The following TNS1 variants were observed in gnomAD, a reference collection of about 807,000 sequenced individuals.
TNS1 encodes tensin-1.
A neutral mutation model predicts 168.6 loss-of-function variants in TNS1; 62 were observed. The observed-to-expected ratio is 0.37, with a 90% CI of 0.30 to 0.45. The LOEUF is 0.45. Among genes scored for constraint, TNS1 ranks in the 20% least tolerant of loss-of-function variants. The pLI, the probability that TNS1 is intolerant of heterozygous loss-of-function variation, is 1.00. For synonymous variants in TNS1, 934 were observed against 933.2 expected, an observed-to-expected ratio of 1.00 and a Z score of -0.02; for missense variants, 2,240 against 2,339.4, an observed-to-expected ratio of 0.96 and a Z score of 0.88.
intron 4 of TNS1, among the ~76,000 whole-genome samples, chr2:217,915,611 A>G (rs985189227): frequency 3.3e-5 from 5 of 152,200 alleles, no homozygotes; most frequent in African/African-American, 1.2e-4. Context: ...TCCCAAGCCT[A>G]CTGGCAAACA....
rs1272797333 is a variant in TNS1 at position 217,818,592 on chromosome 2, C to G, written c.3740G>C (p.Ser1247Thr). 8.1e-6 allele frequency: 13 copies of G among 1,614,224 alleles called. 1 individual carries two copies. The highest frequency in any genetic ancestry group is 1.1e-5 in the Non-Finnish European group (13 of 1,180,052). The change falls in exon 24 of 33, where the codon AGC becomes ACC. Residue 1247 changes from serine (S) to threonine (T), a missense_variant. Transcript: ENST00000682258. The part of the protein sequence containing the change: ...SSSPLPTVGS[S>T]YSSPDYSLQH... ...AAGTGAGTAGTCGGGGCTGCTGTAG[C>G]TACTGCCCACAGTCGGGAGAGGAGA...
chr2:217,867,400 T>C (rs1949371683), intron 18 of TNS1, among the ~76,000 whole-genome samples: 1 of 152,250 alleles, frequency 6.6e-6, no homozygotes, highest in African/African-American at 2.4e-5. Context: ...GCAGCATTTT[T>C]TTGGAAACAG....
At chr2:218,026,771 C>A (rs1015589481) in intron 1 of TNS1, among the ~76,000 whole-genome samples, 5 of 152,362 alleles carry the variant, frequency 3.3e-5, no homozygotes, top group African/African-American at 1.2e-4. Context: ...CCTCTCCTTC[C>A]CCTCCAAACC....
intron 12 of TNS1, chr2:217,890,734 G>T (rs760571369): frequency 2.4e-5 from 14 of 587,176 alleles, no homozygotes; most frequent in Non-Finnish European, 3.7e-5. Flanking sequence ...TCTAGCACAG[G>T]CCTCAGAGTC....
At chr2:217,806,870 G>A (rs1939219931) in intron 32 of TNS1, among the ~76,000 whole-genome samples, 1 of 152,172 alleles carries the variant, frequency 6.6e-6, no homozygotes, top group Non-Finnish European at 1.5e-5. Flanking sequence ...CCTTCCCTTG[G>A]GGAGCTTGCA....
intron 19 of TNS1, among the ~76,000 whole-genome samples, chr2:217,837,679 G>A (rs186928746): frequency 1.1e-4 from 16 of 152,364 alleles, no homozygotes; most frequent in African/African-American, 2.4e-4. Context: ...AGAAAATAGC[G>A]CCCAGGATGG....
At chr2:217,993,838 C>T (rs1212069119) in intron 1 of TNS1, among the ~76,000 whole-genome samples, 1 of 152,144 alleles carries the variant, frequency 6.6e-6, no homozygotes, top group African/African-American at 2.4e-5. Flanking sequence ...AAGTATTTAA[C>T]GGTGGTGGGG....
At chr2:217,888,453 G>A (rs576186994) in intron 12 of TNS1, among the ~76,000 whole-genome samples, 1 of 152,264 alleles carries the variant, frequency 6.6e-6, no homozygotes, top group East Asian at 1.9e-4. Context: ...GAGCCAGGCA[G>A]ACACGCCCCA....
chr2:217,893,293 A>T, intron 10 of TNS1, 146 bp downstream of exon 10: 2 of 1,392,090 alleles, frequency 1.4e-6, no homozygotes, highest in Non-Finnish European at 1.9e-6. Context: ...CTAGAAAGAA[A>T]AATACACACA....
intron 3 of TNS1, among the ~76,000 whole-genome samples, chr2:217,972,061 A>G (rs1957785167): frequency 6.6e-6 from 1 of 152,236 alleles, no homozygotes; most frequent in African/African-American, 2.4e-5. Flanking sequence ...ATACAAAATA[A>G]TAAGTACATA....
intron 3 of TNS1, among the ~76,000 whole-genome samples, chr2:217,953,234 C>T (rs905916651): frequency 5.3e-5 from 8 of 152,158 alleles, no homozygotes; most frequent in African/African-American, 1.9e-4. Flanking sequence ...ATTAGATGAT[C>T]CTAGCAGAGG....
At chr2:218,019,937 C>T (rs1022659192) in intron 1 of TNS1, among the ~76,000 whole-genome samples, 3 of 152,126 alleles carry the variant, frequency 2.0e-5, no homozygotes, top group Admixed American at 2.0e-4. Flanking sequence ...CCCGCTCCCC[C>T]ACTCCCCGGC....
chr2:217,849,912 G>A, intron 18 of TNS1: 1 of 985,418 alleles, frequency 1.0e-6, no homozygotes, highest in South Asian at 4.7e-5. Flanking sequence ...GACTCTCTAA[G>A]ACAAGCTTGC....
At chr2:218,021,407 C>T (rs1456858487) in intron 1 of TNS1, among the ~76,000 whole-genome samples, 1 of 152,184 alleles carries the variant, frequency 6.6e-6, no homozygotes, top group Non-Finnish European at 1.5e-5. Context: ...AATAGCACCC[C>T]CAAGAGGCAG....
intron 6 of TNS1, chr2:217,903,913 T>C (rs1017129637): frequency 7.2e-6 from 3 of 417,756 alleles, no homozygotes; most frequent in Admixed American, 4.1e-5. Context: ...TTTGAAGCAA[T>C]GCCTCTGTGG....
chr2:217,965,129 C>T (rs1411762907), intron 3 of TNS1, among the ~76,000 whole-genome samples: 2 of 152,176 alleles, frequency 1.3e-5, no homozygotes, highest in African/African-American at 4.8e-5. Flanking sequence ...GTGGAGCTGC[C>T]CTGGCCTGCT....
chr2:217,829,414 C>T (rs1055705172), intron 22 of TNS1, among the ~76,000 whole-genome samples: 1 of 152,124 alleles, frequency 6.6e-6, no homozygotes, highest in African/African-American at 2.4e-5. Flanking sequence ...CAGGCCAAAA[C>T]GTCAGTGGTG....
At chr2:217,853,069 C>T (rs1015466826) in intron 18 of TNS1, among the ~76,000 whole-genome samples, 11 of 152,108 alleles carry the variant, frequency 7.2e-5, no homozygotes, top group African/African-American at 2.2e-4. Context: ...AGTCCCCCAG[C>T]CCCCACTCCG....
At chr2:217,970,686 T>C (rs1957754319) in intron 3 of TNS1, among the ~76,000 whole-genome samples, 1 of 152,112 alleles carries the variant, frequency 6.6e-6, no homozygotes, top group African/African-American at 2.4e-5. Flanking sequence ...GACGGGAAGA[T>C]TAGTGGCTAC....
Sources: allele counts gnomAD v4.1 joint callset (sites outside exome capture counted in the v4.1 genomes callset), GRCh38; gene constraint gnomAD v4.1.1; transcripts MANE v1.5; gene names NCBI Gene and HGNC (gene_info 2026-07-23, HGNC 2026-07-21).